The following TMEM178B variants were observed in gnomAD, a reference collection of about 807,000 sequenced individuals.
TMEM178B encodes the protein transmembrane protein 178B.
TMEM178B carries 5 observed loss-of-function variants against 31.0 expected under a neutral mutation model. The observed-to-expected ratio is 0.16, with a 90% CI of 0.08 to 0.34. The LOEUF (loss-of-function observed/expected upper bound fraction) is 0.34. TMEM178B is among the 10% of genes least tolerant of loss of function. The pLI is 1.00. For missense variants in TMEM178B, 275 were observed against 400.3 expected (o/e 0.69, Z 2.67); for synonymous variants, 164 against 164.0 (o/e 1.00, Z 0.00).
chr7:141,313,045 C>T (rs1166600977), intron 2 of TMEM178B, among the ~76,000 whole-genome samples: 1 of 152,144 alleles, frequency 6.6e-6, no homozygotes, highest in East Asian at 1.9e-4. Context: ...TTTACCCAGG[C>T]CCTATTCTAG....
intron 1 of TMEM178B, among the ~76,000 whole-genome samples, chr7:141,092,720 A>T (rs1164148023): frequency 6.6e-6 from 1 of 152,210 alleles, no homozygotes; most frequent in Non-Finnish European, 1.5e-5. Context: ...CATATAATAC[A>T]TTAGATAAAG....
chr7:141,215,761 T>A (rs1038493787), intron 2 of TMEM178B, among the ~76,000 whole-genome samples: 3 of 151,996 alleles, frequency 2.0e-5, no homozygotes, highest in Non-Finnish European at 4.4e-5. Context: ...TTGGTTAAAT[T>A]TGAATTATAT....
intron 2 of TMEM178B, among the ~76,000 whole-genome samples, chr7:141,248,073 A>C (rs568459311): frequency 1.5e-4 from 23 of 151,630 alleles, no homozygotes; most frequent in African/African-American, 5.3e-4. Context: ...AGCATTCTGC[A>C]AGTTGTTTCT....
At chr7:141,330,713 G>A (rs1047628737) in intron 2 of TMEM178B, among the ~76,000 whole-genome samples, 6 of 152,124 alleles carry the variant, frequency 3.9e-5, no homozygotes, top group Admixed American at 6.5e-5. Context: ...GAAGCCACTG[G>A]GAGGCTTTGC....
At chr7:141,205,472 A>C (rs1796947557) in intron 1 of TMEM178B, among the ~76,000 whole-genome samples, 1 of 152,112 alleles carries the variant, frequency 6.6e-6, no homozygotes, top group South Asian at 2.1e-4. Context: ...TCGGTGCTTC[A>C]TCCCTTCTCA....
At chr7:141,078,091 G>A (rs1011515880) in intron 1 of TMEM178B, among the ~76,000 whole-genome samples, 1 of 152,060 alleles carries the variant, frequency 6.6e-6, no homozygotes, top group Non-Finnish European at 1.5e-5. Context: ...CTTAAATCAG[G>A]TCCTTTTGTC....
At chr7:141,392,749 G>T (rs1800568460) in intron 2 of TMEM178B, among the ~76,000 whole-genome samples, 1 of 151,868 alleles carries the variant, frequency 6.6e-6, no homozygotes, top group Non-Finnish European at 1.5e-5. Flanking sequence ...GAGGTTTTGA[G>T]CAGGAGAGAA....
intron 3 of TMEM178B, among the ~76,000 whole-genome samples, chr7:141,462,578 A>G (rs1802077879): frequency 6.6e-6 from 1 of 151,920 alleles, no homozygotes; most frequent in Non-Finnish European, 1.5e-5. Context: ...CCGAGGAAAG[A>G]GATAGCCAAG....
intron 1 of TMEM178B, among the ~76,000 whole-genome samples, chr7:141,091,554 A>G (rs1462797846): frequency 6.6e-6 from 1 of 152,176 alleles, no homozygotes; most frequent in Non-Finnish European, 1.5e-5. Context: ...TTGTAGATCA[A>G]TAAGCTGCTA....
At chr7:141,432,148 T>A in intron 2 of TMEM178B, among the ~76,000 whole-genome samples, 1 of 2,868 alleles carries the variant, frequency 3.5e-4, no homozygotes, top group Non-Finnish European at 7.5e-4. Flanking sequence ...CACTGCATCT[T>A]TTTTTTTTTT....
At chr7:141,303,225 C>T (rs909621272) in intron 2 of TMEM178B, among the ~76,000 whole-genome samples, 1 of 152,030 alleles carries the variant, frequency 6.6e-6, no homozygotes, top group Non-Finnish European at 1.5e-5. Flanking sequence ...ATCATGTGAC[C>T]GTGTAGCTTT....
chr7:141,425,427 G>A (rs1801295042), intron 2 of TMEM178B, among the ~76,000 whole-genome samples: 1 of 152,162 alleles, frequency 6.6e-6, no homozygotes, highest in African/African-American at 2.4e-5. Flanking sequence ...TTGGGGTGGG[G>A]TAGCAGATTG....
intron 2 of TMEM178B, among the ~76,000 whole-genome samples, chr7:141,350,161 C>T (rs1185127612): frequency 6.6e-6 from 1 of 152,138 alleles, no homozygotes; most frequent in Non-Finnish European, 1.5e-5. Flanking sequence ...ACCGAAAAAA[C>T]ACAAGAAAAC....
chr7:141,379,558 C>T (rs899085482), intron 2 of TMEM178B, among the ~76,000 whole-genome samples: 10 of 152,176 alleles, frequency 6.6e-5, no homozygotes, highest in Non-Finnish European at 1.5e-4. Context: ...GTCACATTAT[C>T]TTCAAAACAA....
chr7:141,275,482 C>T lies in TMEM178B; in HGVS notation c.496+62778C>T, dbSNP rs184119994. Among the ~76,000 whole-genome samples, 160 of 152,270 alleles carry T rather than the reference C, an allele frequency of 1.1e-3. 1 individual carries two copies. The highest frequency in any genetic ancestry group is 3.7e-3 in the African/African-American group (155 of 41,538). On this transcript the variant is annotated intron_variant, in intron 2 of 3. Coordinates refer to ENST00000565468, the MANE Select transcript of TMEM178B (RefSeq NM_001195278.2). Reference sequence around the variant, plus strand: ...CTTCAGATGAAAGGGCACTGATGTCCAGCCTCTCCTATAAGATAGTTGGCA... The same window carrying T: ...CTTCAGATGAAAGGGCACTGATGTCTAGCCTCTCCTATAAGATAGTTGGCA...
intron 2 of TMEM178B, among the ~76,000 whole-genome samples, chr7:141,380,029 C>T (rs1800286319): frequency 6.6e-6 from 1 of 152,144 alleles, no homozygotes; most frequent in South Asian, 2.1e-4. Flanking sequence ...TAGATGTAGA[C>T]TAAGAAGTTG....
intron 1 of TMEM178B, among the ~76,000 whole-genome samples, chr7:141,194,831 A>G (rs977464443): frequency 1.3e-5 from 2 of 152,104 alleles, no homozygotes; most frequent in African/African-American, 4.8e-5. Flanking sequence ...AGGCATTTCC[A>G]CACATCTTCT....
At chr7:141,112,910 T>C (rs542781738) in intron 1 of TMEM178B, among the ~76,000 whole-genome samples, 1 of 152,226 alleles carries the variant, frequency 6.6e-6, no homozygotes, top group East Asian at 1.9e-4. Context: ...TAGCCCCTCA[T>C]GTGGGGAAGA....
At chr7:141,494,028 C>T in the TMEM178B span, among the ~76,000 whole-genome samples, 1 of 152,164 alleles carries the variant, frequency 6.6e-6, no homozygotes, top group Non-Finnish European at 1.5e-5. Context: ...CTTCTTTCTT[C>T]CTTTCCCCCC....
Sources: allele counts gnomAD v4.1 joint callset (sites outside exome capture counted in the v4.1 genomes callset), GRCh38; gene constraint gnomAD v4.1.1; transcripts MANE v1.5; gene names NCBI Gene and HGNC (gene_info 2026-07-23, HGNC 2026-07-21).